Variants in SLX4 observed in about 807,000 individuals in gnomAD.
SLX4 encodes the protein structure-specific endonuclease subunit SLX4.
Under a neutral mutation model 146.2 loss-of-function variants are expected in SLX4, and 112 were observed. The ratio of observed to expected loss-of-function variants is 0.77; its 90% confidence interval spans 0.66 to 0.90. The LOEUF (loss-of-function observed/expected upper bound fraction) is 0.90. SLX4 is among the 40% of genes least tolerant of loss of function. The pLI, the probability that SLX4 is intolerant of heterozygous loss-of-function variation, is 0.00. For synonymous variants in SLX4, 1,061 were observed against 997.7 expected, an observed-to-expected ratio of 1.06 and a Z score of -1.20; for missense variants, 2,563 against 2,392.7, an observed-to-expected ratio of 1.07 and a Z score of -1.49.
chr16:3,597,595 C>T lies in SLX4; in HGVS notation c.1467G>A (p.Leu489=), dbSNP rs2151131417. The change falls in exon 7 of 15, where the codon CTG becomes CTA. Residue 489 remains leucine (L), a synonymous_variant. Transcript: ENST00000294008. The surrounding 1 kb of genome is among the most constrained non-coding windows in gnomAD (Gnocchi z 4.4). ...TGRQIEDRVA[L]LLSEEVELSS... Reference sequence around the variant, plus strand: ...ACAATTCCACTTCCTCAGAGAGGAGCAGGGCCACACGGTCCTCTATCTGTC... The same window carrying T: ...ACAATTCCACTTCCTCAGAGAGGAGTAGGGCCACACGGTCCTCTATCTGTC... 1 of 1,614,104 alleles carries T rather than the reference C, an allele frequency of 6.2e-7. No homozygotes were observed. The highest frequency in any genetic ancestry group is 1.1e-5 in the South Asian group (1 of 91,070).
rs760984246 is a variant in SLX4, at chr16:3,608,621, C to A, written c.344G>T (p.Ser115Ile). Residue 115 changes from serine to isoleucine, a missense_variant, in exon 2 of 15, where the codon AGC (serine) becomes ATC (isoleucine). Ser to Ile is a moderately radical substitution (Grantham distance 142). Transcript: ENST00000294008. ...TTGCTTTTTAGTCCTAGGGGCCTGG[C>A]TGCCAGACGGAGGTTTCTTCTCTGC... is the stretch of plus-strand genomic sequence containing the variant. ...GPAEKKPPSGSQAPRTKKQRV... is the reference protein window; with the variant it reads ...GPAEKKPPSGIQAPRTKKQRV... 1 of 1,614,196 alleles carries A rather than the reference C, an allele frequency of 6.2e-7. No individual in the cohort carries two copies. The highest frequency in any genetic ancestry group is 8.5e-7 in the Non-Finnish European group (1 of 1,180,036).
intron 12 of SLX4, 130 bp downstream of exon 12, chr16:3,588,872 G>C: frequency 8.8e-7 from 1 of 1,142,384 alleles, no homozygotes; most frequent in South Asian, 1.2e-5. Context: ...GGAAGGCAGC[G>C]GAAGTGTCAT....
intron 10 of SLX4, among the ~76,000 whole-genome samples, 192 bp downstream of exon 10, chr16:3,594,261 C>T (rs977588717): frequency 1.3e-5 from 2 of 152,072 alleles, no homozygotes; most frequent in Non-Finnish European, 2.9e-5. Flanking sequence ...AAGCGTGGGT[C>T]TTTATCTCTT....
Position 3,594,607 on chromosome 16 carries a change from A to G in SLX4, c.2014-8T>C. On this transcript the variant is annotated splice_polypyrimidine_tract_variant and splice_region_variant and intron_variant, in intron 9 of 14. Coordinates refer to ENST00000294008, the MANE Select transcript of SLX4 (RefSeq NM_032444.4). Reference sequence around the variant, plus strand: ...CAGCAGCCCGAGGGAGAGCTGAAGCAGGAGGAGAGGAAGAGCCGTCACCTC... The same window carrying G: ...CAGCAGCCCGAGGGAGAGCTGAAGCGGGAGGAGAGGAAGAGCCGTCACCTC... 6.2e-7 allele frequency: 1 copy of G among 1,613,750 alleles called. No individual in the cohort carries two copies. The highest frequency in any genetic ancestry group is 8.5e-7 in the Non-Finnish European group (1 of 1,179,740).
At chr16:3,598,536 C>T (rs182977070) in intron 5 of SLX4, among the ~76,000 whole-genome samples, 11 of 152,302 alleles carry the variant, frequency 7.2e-5, no homozygotes, top group Admixed American at 6.5e-4. Flanking sequence ...GCACTTTCAA[C>T]GGGCAGCAGC....
chr16:3,583,438 C>G lies in SLX4; in HGVS notation c.4812G>C (p.Gln1604His), dbSNP rs2151117054. ...CGTCCTCGGAGTCTGAGTCCAGGGT[C>G]TGGTGAGTGTACTGGAATATCTCCT... is the stretch of plus-strand genomic sequence containing the variant. ...KLKEIFQYTH[Q>H]TLDSDSEDES... Residue 1604 changes from glutamine (Q) to histidine (H), a missense_variant, in exon 14 of 15, where the codon CAG becomes CAC. Gln to His is a conservative substitution (Grantham distance 24). Coordinates refer to ENST00000294008, the MANE Select transcript of SLX4 (RefSeq NM_032444.4). The G allele has an allele frequency of 1.2e-6, 2 of 1,614,150 alleles. No homozygotes were observed. The highest frequency in any genetic ancestry group is 1.1e-5 in the South Asian group (1 of 91,078).
rs374393051 is a variant in SLX4, at chr16:3,596,120, G to A, written c.1924+33C>T. 1,185 of 1,541,998 alleles carry A rather than the reference G, an allele frequency of 7.7e-4. 10 individuals carry two copies. The African/African-American group carries it at 0.014, about 18-fold the overall frequency. On this transcript the variant is annotated intron_variant, in intron 8 of 14. Coordinates refer to ENST00000294008, the MANE Select transcript of SLX4 (RefSeq NM_032444.4). Reference sequence around the variant, plus strand: ...CGGGGAGGGGAGGCCCGGGAGGGCAGGGCTGGCCCTAGAGTCCCACCCAGC... The same window carrying A: ...CGGGGAGGGGAGGCCCGGGAGGGCAAGGCTGGCCCTAGAGTCCCACCCAGC...
intron 9 of SLX4, among the ~76,000 whole-genome samples, chr16:3,595,296 G>T (rs982615870): frequency 1.3e-5 from 2 of 152,210 alleles, no homozygotes; most frequent in African/African-American, 4.8e-5. Context: ...GAGAAACTGT[G>T]GTCCCTCTAC....
Position 3,582,396 on chromosome 16 carries a change from C to T in SLX4, c.5451G>A (p.Lys1817=). The T allele has an allele frequency of 6.2e-7, 1 of 1,613,900 alleles. No homozygotes were observed. Among genetic ancestry groups the T allele is most frequent in the South Asian group, 1.1e-5 (1 of 91,088 alleles). ...GAGGCTGCCGCCTCCTGCCCTGGAG[C>T]TTCTCCCTGCGGGTGGCGGCAGTGG... ...TFTTAATRRE[K]LQGRRRQPRG... is the part of the protein sequence containing the mutation. The change falls in exon 15 of 15, where the codon AAG becomes AAA. Residue 1817 remains lysine, a synonymous_variant. Transcript: ENST00000294008.
chr16:3,589,591 C>G lies in SLX4; in HGVS notation c.4047G>C (p.Gly1349=). The change falls in exon 12 of 15, where the codon GGG becomes GGC. Residue 1349 remains glycine (G), a synonymous_variant. Coordinates refer to ENST00000294008, the MANE Select transcript of SLX4 (RefSeq NM_032444.4). The surrounding 1 kb of genome is among the most constrained non-coding windows in gnomAD (Gnocchi z 6.2). ...GHRSPSRPHP[G]GHPHSSPLAP... Reference sequence around the variant, plus strand: ...CCAGCGGAGAGGAGTGCGGGTGGCCCCCGGGGTGGGGACGGGAAGGGCTTC... The same window carrying G: ...CCAGCGGAGAGGAGTGCGGGTGGCCGCCGGGGTGGGGACGGGAAGGGCTTC... 6.2e-7 allele frequency: 1 copy of G among 1,613,560 alleles called. No homozygotes were observed. Among genetic ancestry groups the G allele is most frequent in the Non-Finnish European group, 8.5e-7 (1 of 1,179,946 alleles).
chr16:3,589,494 T>C lies in SLX4; in HGVS notation c.4144A>G (p.Ser1382Gly), dbSNP rs767790750. 5 of 1,610,126 alleles carry C rather than the reference T, an allele frequency of 3.1e-6. No homozygotes were observed. The African/African-American group carries it at 5.3e-5, about 17-fold the overall frequency. ...CCCGCTGGGGTCTGGTTCAGGAAGC[T>C]TGGCCCAGGCGGCGAGTGTTTCAGG... ...RFLKHSPPGP[S>G]FLNQTPAGEV... Residue 1382 changes from serine (S) to glycine (G), a missense_variant, in exon 12 of 15, where the codon AGC becomes GGC. Physicochemically the swap from Ser to Gly is moderately conservative, Grantham distance 56 (BLOSUM62 0). Coordinates refer to ENST00000294008, the MANE Select transcript of SLX4 (RefSeq NM_032444.4). The surrounding 1 kb of genome is among the most constrained non-coding windows in gnomAD (Gnocchi z 6.2).
chr16:3,595,012 G>A (rs2040635072), intron 9 of SLX4, among the ~76,000 whole-genome samples: 2 of 152,220 alleles, frequency 1.3e-5, no homozygotes. Context: ...CAAGAGGACA[G>A]CCGGGTCCAG....
At chr16:3,588,397 TG>T (rs1218587924) in intron 12 of SLX4, among the ~76,000 whole-genome samples, 1 of 152,268 alleles carries the variant, frequency 6.6e-6, no homozygotes, top group Non-Finnish European at 1.5e-5. Flanking sequence ...CGGTAGCGTG[TG>T]GCAGTGCCTC....
rs561815282 is a variant in SLX4, at chr16:3,590,499, C to T, written c.3139G>A (p.Gly1047Arg). The T allele has an allele frequency of 9.3e-6, 15 of 1,613,638 alleles. No individual in the cohort carries two copies. The highest frequency in any genetic ancestry group is 1.2e-5 in the Non-Finnish European group (14 of 1,179,718). The change falls in exon 12 of 15, where the codon GGG becomes AGG. Residue 1047 changes from glycine to arginine, a missense_variant. Transcript: ENST00000294008. The surrounding 1 kb of genome is among the most constrained non-coding windows in gnomAD (Gnocchi z 4.8). ...LGPPQGGSPRGSHHTSGSSLS... is the reference protein window; with the variant it reads ...LGPPQGGSPRRSHHTSGSSLS... ...GACGACCCACTTGTGTGATGAGACC[C>T]GCGGGGACTCCCGCCCTGGGGAGGC...
intron 2 of SLX4, 122 bp from the exon 3 acceptor site, chr16:3,606,820 C>G (rs1238753924): frequency 9.7e-7 from 1 of 1,026,596 alleles, no homozygotes; most frequent in Non-Finnish European, 1.5e-6. Flanking sequence ...AGGTTTGACT[C>G]ACAAATGTGA....
rs766080551 is a variant in SLX4 at position 3,606,570 on chromosome 16, C to G, written c.664G>C (p.Glu222Gln). 1 of 1,614,190 alleles carries G rather than the reference C, an allele frequency of 6.2e-7. No individual in the cohort carries two copies. The highest frequency in any genetic ancestry group is 1.1e-5 in the South Asian group (1 of 91,086). The change falls in exon 3 of 15, where the codon GAG becomes CAG. Residue 222 changes from glutamate (E) to glutamine (Q), a missense_variant. By Grantham distance (29) the Glu-to-Gln change is conservative (BLOSUM62 2). Coordinates refer to ENST00000294008, the MANE Select transcript of SLX4 (RefSeq NM_032444.4). ...RMQQFKRADP[E>Q]RLRHASEECS... ...TCTTCTGAAGCGTGTCTCAAACGCT[C>G]GGGGTCTGCTCTCTTGAACTGCTGC...
At chr16:3,599,626 G>A (rs568486747) in intron 5 of SLX4, among the ~76,000 whole-genome samples, 4 of 152,282 alleles carry the variant, frequency 2.6e-5, no homozygotes, top group South Asian at 2.1e-4. Flanking sequence ...TTGCCCTGTC[G>A]CCCAGGCTGG....
Position 3,584,745 on chromosome 16 carries a change from C to A in SLX4, c.4739+24G>T, listed in dbSNP as rs12933120. On this transcript the variant is annotated intron_variant, in intron 13 of 14. Transcript: ENST00000294008. ...ATGGGAGGGAAAAGACCACTGTGGG[C>A]AACAAGCTTTGAAGACCGCCAACCT... 0.12 allele frequency: 193,632 copies of A among 1,565,730 alleles called. 13,336 individuals are homozygous for A. The highest frequency in any genetic ancestry group is 0.14 in the Middle Eastern group (826 of 5,698).
intron 10 of SLX4, among the ~76,000 whole-genome samples, chr16:3,593,828 T>C (rs554245168): frequency 6.6e-6 from 1 of 152,258 alleles, no homozygotes; most frequent in South Asian, 2.1e-4. Flanking sequence ...ATTATGCAAA[T>C]AGAGAAAAGA....
Sources: allele counts gnomAD v4.1 joint callset (sites outside exome capture counted in the v4.1 genomes callset), GRCh38; gene constraint gnomAD v4.1.1; non-coding constraint Gnocchi (gnomAD v3.1); transcripts MANE v1.5; gene names NCBI Gene and HGNC (gene_info 2026-07-23, HGNC 2026-07-21).